Variants in RGS6 observed in about 807,000 individuals in gnomAD.
The protein encoded by RGS6 is regulator of G-protein signaling 6.
RGS6 carries 30 observed loss-of-function variants against 78.5 expected under a neutral mutation model. The ratio of observed to expected loss-of-function variants is 0.38; its 90% confidence interval spans 0.29 to 0.52. The LOEUF is 0.52. Among genes scored for constraint, RGS6 ranks in the 20% least tolerant of loss-of-function variants. RGS6 has a pLI of 0.85. For missense variants in RGS6, 495 were observed against 609.7 expected (o/e 0.81, Z 1.98); for synonymous variants, 206 against 206.0 (o/e 1.00, Z 0.00).
intron 3 of RGS6, among the ~76,000 whole-genome samples, chr14:72,399,491 C>A (rs1356307326): frequency 1.3e-5 from 2 of 152,064 alleles, no homozygotes; most frequent in Non-Finnish European, 2.9e-5. Context: ...TCCAATTTGC[C>A]AGTCTGTGTC....
the RGS6 span, among the ~76,000 whole-genome samples, chr14:71,920,127 C>G: frequency 1.3e-5 from 2 of 152,196 alleles, no homozygotes; most frequent in Admixed American, 1.3e-4. Context: ...TCATCCTACC[C>G]TAGATTTAGG....
chr14:72,237,622 G>A (rs941384525), intron 2 of RGS6, among the ~76,000 whole-genome samples: 1 of 152,148 alleles, frequency 6.6e-6, no homozygotes, highest in South Asian at 2.1e-4. Context: ...TCCTAGTCCT[G>A]TACTCTCTGA....
At chr14:72,414,598 C>T (rs896487531) in intron 3 of RGS6, among the ~76,000 whole-genome samples, 3 of 152,210 alleles carry the variant, frequency 2.0e-5, no homozygotes, top group Non-Finnish European at 4.4e-5. Context: ...TGTTCCGTTG[C>T]TGGTGAGGAG....
At chr14:72,270,238 T>C (rs1241356757) in intron 2 of RGS6, among the ~76,000 whole-genome samples, 2 of 147,600 alleles carry the variant, frequency 1.4e-5, no homozygotes, top group Admixed American at 6.9e-5. Context: ...ACAACTCTTC[T>C]GGCACTCAGC....
chr14:72,274,585 A>G (rs1415715475), intron 2 of RGS6, among the ~76,000 whole-genome samples: 1 of 152,242 alleles, frequency 6.6e-6, no homozygotes, highest in African/African-American at 2.4e-5. Flanking sequence ...ATGTGGCAAA[A>G]GAGACTTTGA....
rs371851489 is a variant in RGS6 at position 72,220,988 on chromosome 14, C to T, written c.85-131107C>T. Among the ~76,000 whole-genome samples the T allele has an allele frequency of 1.1e-4, 17 of 152,258 alleles. No homozygotes were observed. In the East Asian group the frequency reaches 2.5e-3, roughly 22 times the overall value. ...ATCCTCCTTATCAGCAGCAGCAGCCCTTATCCTCTGAAGGACACAAACCTG... is the reference window on the plus strand; with the variant it reads ...ATCCTCCTTATCAGCAGCAGCAGCCTTTATCCTCTGAAGGACACAAACCTG... On this transcript the variant is annotated intron_variant, in intron 2 of 17. Coordinates refer to ENST00000553525, the MANE Select transcript of RGS6 (RefSeq NM_001204424.2).
chr14:72,534,731 T>C lies in RGS6; in HGVS notation c.1279-1455T>C, dbSNP rs1196962147. ...TTTTTCTGGCCAGGCATCTCTAAAA[T>C]GTGTCCCCCAGCTGATGGGAGGTCT... On this transcript the variant is annotated intron_variant, in intron 15 of 17. Coordinates refer to ENST00000553525, the MANE Select transcript of RGS6 (RefSeq NM_001204424.2). 2.0e-5 allele frequency among the ~76,000 whole-genome samples: 3 copies of C among 152,270 alleles called. No homozygotes were observed. The East Asian group carries it at 5.8e-4, about 29-fold the overall frequency.
rs941097425 is a variant in RGS6, at chr14:72,292,057, A to C, written c.85-60038A>C. 2.2e-3 allele frequency among the ~76,000 whole-genome samples: 22 copies of C among 10,124 alleles called. No individual in the cohort carries two copies. The South Asian group carries it at 0.19, about 88-fold the overall frequency. 6.6% of individuals were successfully genotyped at this position (10,124 alleles called of 152,430 possible). ...CAAGCCTAAGAGACATGAACACAGT[A>C]ACACGGTAGGGAGCCGTGTGATCCA... On this transcript the variant is annotated intron_variant, in intron 2 of 17. Coordinates refer to ENST00000553525, the MANE Select transcript of RGS6 (RefSeq NM_001204424.2).
intron 3 of RGS6, among the ~76,000 whole-genome samples, chr14:72,415,490 A>T (rs547683140): frequency 1.7e-3 from 257 of 152,328 alleles, no homozygotes; most frequent in South Asian, 3.1e-3. Flanking sequence ...CGCTTCCTGG[A>T]TGAGGCGATG....
chr14:72,003,539 G>T (rs2083904900), intron 2 of RGS6, among the ~76,000 whole-genome samples: 1 of 152,148 alleles, frequency 6.6e-6, no homozygotes, highest in Non-Finnish European at 1.5e-5. Context: ...AGCTTTGGAT[G>T]TATATAAAAC....
At chr14:72,442,836 G>A (rs889114286) in intron 3 of RGS6, among the ~76,000 whole-genome samples, 3 of 152,238 alleles carry the variant, frequency 2.0e-5, no homozygotes, top group Admixed American at 1.3e-4. Flanking sequence ...GGGCTTAGCT[G>A]TAGCTGGGAT....
chr14:72,356,983 G>A (rs936241982), intron 3 of RGS6, among the ~76,000 whole-genome samples: 1 of 152,124 alleles, frequency 6.6e-6, no homozygotes. Context: ...TTGAAAATGT[G>A]GAAGCAGCCA....
the RGS6 span, among the ~76,000 whole-genome samples, chr14:71,909,815 A>G: frequency 6.6e-6 from 1 of 152,172 alleles, no homozygotes; most frequent in African/African-American, 2.4e-5. Context: ...ACACTTTTAT[A>G]ATGGTGAAGA....
At chr14:72,432,191 A>G (rs954675980) in intron 3 of RGS6, among the ~76,000 whole-genome samples, 1 of 152,188 alleles carries the variant, frequency 6.6e-6, no homozygotes, top group Non-Finnish European at 1.5e-5. Flanking sequence ...CCAGGGTTAT[A>G]AGGGACAGGA....
intron 2 of RGS6, among the ~76,000 whole-genome samples, chr14:72,034,538 A>G (rs2091403383): frequency 6.6e-6 from 1 of 151,956 alleles, no homozygotes. Flanking sequence ...CATGATGTAT[A>G]ATTACTTTAA....
At chr14:72,580,733 T>C in the RGS6 span, among the ~76,000 whole-genome samples, 1 of 152,184 alleles carries the variant, frequency 6.6e-6, no homozygotes, top group Non-Finnish European at 1.5e-5. Flanking sequence ...ACTATGCATA[T>C]GATCTCTTTC....
At chr14:72,296,337 T>C (rs1385756977) in intron 2 of RGS6, among the ~76,000 whole-genome samples, 4 of 152,228 alleles carry the variant, frequency 2.6e-5, no homozygotes. Flanking sequence ...TATATTCTCA[T>C]TTCTCTAGGA....
intron 3 of RGS6, among the ~76,000 whole-genome samples, chr14:72,362,122 G>T (rs79391519): frequency 0.067 from 10,195 of 152,162 alleles, 1,112 homozygotes; most frequent in African/African-American, 0.23. Context: ...TATGTGCCAG[G>T]CTCTAGAGTA....
chr14:72,075,126 A>T (rs554142727), intron 2 of RGS6, among the ~76,000 whole-genome samples: 4 of 152,204 alleles, frequency 2.6e-5, no homozygotes, highest in Non-Finnish European at 5.9e-5. Flanking sequence ...GTTGAAGGGC[A>T]TGCACAGATA....
Sources: gnomAD v4.1 joint callset for allele counts (sites outside exome capture counted in the v4.1 genomes callset) on GRCh38, gnomAD v4.1.1 for gene constraint, MANE v1.5 for transcripts, NCBI Gene and HGNC (gene_info 2026-07-23, HGNC 2026-07-21) for gene names.